Variants in ELAPOR2 observed in about 807,000 individuals in gnomAD.
ELAPOR2 encodes endosome-lysosome associated apoptosis and autophagy regulator family member 2.
In ELAPOR2, 89 loss-of-function variants were observed where a neutral mutation model predicts 120.7. That is an observed-to-expected ratio of 0.74 (90% CI 0.62 to 0.88). The LOEUF is 0.88. Ranked by LOEUF, ELAPOR2 falls within the 40% of genes least tolerant of loss-of-function variation. ELAPOR2 has a pLI of 0.00. For synonymous variants in ELAPOR2, 444 were observed against 444.9 expected, an observed-to-expected ratio of 1.00 and a Z score of 0.03; for missense variants, 1,134 against 1,251.6, an observed-to-expected ratio of 0.91 and a Z score of 1.42.
At chr7:86,893,583 G>A (rs1788291609) in intron 19 of ELAPOR2, among the ~76,000 whole-genome samples, 1 of 151,906 alleles carries the variant, frequency 6.6e-6, no homozygotes, top group Admixed American at 6.6e-5. Flanking sequence ...CCTCCGAATG[G>A]AAGAACAGAC....
chr7:86,917,427 AAAT>A (rs869159820), intron 12 of ELAPOR2, among the ~76,000 whole-genome samples: 3 of 152,252 alleles, frequency 2.0e-5, no homozygotes, highest in South Asian at 2.1e-4. Flanking sequence ...CAAAAAGAAA[AAAT>A]AATAATTTTG....
intron 8 of ELAPOR2, among the ~76,000 whole-genome samples, chr7:86,935,159 C>T (rs1022417554): frequency 6.6e-6 from 1 of 152,000 alleles, no homozygotes; most frequent in African/African-American, 2.4e-5. Flanking sequence ...AAAAAACTTG[C>T]AGTGATTTCT....
At chr7:87,057,820 G>C (rs1241964689) in intron 1 of ELAPOR2, among the ~76,000 whole-genome samples, 2 of 152,178 alleles carry the variant, frequency 1.3e-5, no homozygotes, top group Non-Finnish European at 2.9e-5. Context: ...TCATTACTAA[G>C]AATCGATGTT....
chr7:87,028,780 G>T (rs997661299), intron 1 of ELAPOR2, among the ~76,000 whole-genome samples: 1 of 151,982 alleles, frequency 6.6e-6, no homozygotes, highest in Non-Finnish European at 1.5e-5. Flanking sequence ...AGAATAAAAG[G>T]CAAAGTCTTT....
chr7:87,007,455 G>A (rs182382247), intron 1 of ELAPOR2, among the ~76,000 whole-genome samples: 2 of 152,238 alleles, frequency 1.3e-5, no homozygotes. Context: ...TTTTTAATAT[G>A]AACAGATATG....
intron 15 of ELAPOR2, among the ~76,000 whole-genome samples, chr7:86,910,968 A>G (rs899781294): frequency 1.3e-5 from 2 of 152,136 alleles, no homozygotes; most frequent in Non-Finnish European, 1.5e-5. Context: ...CCAATAAAAA[A>G]TAATGGAAAA....
At chr7:86,993,730 A>G (rs1230976827) in intron 1 of ELAPOR2, among the ~76,000 whole-genome samples, 1 of 152,200 alleles carries the variant, frequency 6.6e-6, no homozygotes, top group Non-Finnish European at 1.5e-5. Context: ...CAAATCCTCT[A>G]TAATCTAGTC....
At chr7:87,033,527 A>G (rs1794483845) in intron 1 of ELAPOR2, among the ~76,000 whole-genome samples, 1 of 152,256 alleles carries the variant, frequency 6.6e-6, no homozygotes, top group Admixed American at 6.5e-5. Flanking sequence ...AGATTGTGCT[A>G]GTGAGAAATA....
At chr7:87,034,593 AATT>A (rs2116744462) in intron 1 of ELAPOR2, among the ~76,000 whole-genome samples, 1 of 152,138 alleles carries the variant, frequency 6.6e-6, no homozygotes, top group African/African-American at 2.4e-5. Flanking sequence ...TTTAAGCATC[AATT>A]ATTATTTTGG....
intron 1 of ELAPOR2, among the ~76,000 whole-genome samples, chr7:87,008,771 G>C (rs1793564106): frequency 6.6e-6 from 1 of 152,192 alleles, no homozygotes; most frequent in African/African-American, 2.4e-5. Flanking sequence ...TTCAAACAAT[G>C]AGACAGAGAG....
intron 1 of ELAPOR2, among the ~76,000 whole-genome samples, chr7:86,986,867 C>G (rs1024549581): frequency 6.7e-6 from 1 of 149,686 alleles, no homozygotes; most frequent in African/African-American, 2.5e-5. Context: ...CATATGGAAC[C>G]AAAAAAGAGC....
Position 86,937,977 on chromosome 7 carries a change from G to A in ELAPOR2, c.1089+149C>T, listed in dbSNP as rs117443186. 9.1e-3 allele frequency: 5,226 copies of A among 575,712 alleles called. 35 individuals carry two copies. The highest frequency in any genetic ancestry group is 0.013 in the Non-Finnish European group (4,161 of 328,946). The allele number at this position is 575,712 out of a possible 1,614,324, so 35.7% of individuals were successfully genotyped here. On this transcript the variant is annotated intron_variant, in intron 8 of 21. Coordinates refer to ENST00000450689, the MANE Select transcript of ELAPOR2 (RefSeq NM_001142749.3). ...TATATGTGAAATTCAAAGCCAGGAA[G>A]GCAGACTTCAAACCCTAAACTCTAA...
intron 5 of ELAPOR2, among the ~76,000 whole-genome samples, chr7:86,940,903 C>A (rs10235954): frequency 3.3e-5 from 5 of 151,802 alleles, no homozygotes; most frequent in Non-Finnish European, 5.9e-5. Flanking sequence ...TTGTATTAAG[C>A]CTTTTTAAGT....
chr7:86,950,730 T>A (rs980394078), intron 2 of ELAPOR2, among the ~76,000 whole-genome samples: 1 of 152,096 alleles, frequency 6.6e-6, no homozygotes, highest in African/African-American at 2.4e-5. Context: ...CCCAGGCCAG[T>A]AGAGTGAGCC....
rs1429263487 is a variant in ELAPOR2 at position 86,908,480 on chromosome 7, G to C, written c.2423C>G (p.Thr808Arg). 2.5e-6 allele frequency: 4 copies of C among 1,587,844 alleles called. No homozygotes were observed. The highest frequency in any genetic ancestry group is 3.4e-6 in the Non-Finnish European group (4 of 1,165,436). ...NIKEDMFPVP[T>R]SQIPDVHFFY... ...GAAATGCACATCTGGTATTTGGCTT[G>C]TTGGAACTGGGAACATATCTTCTTT... Residue 808 changes from threonine to arginine, a missense_variant, in exon 17 of 22, where the codon ACA (threonine) becomes AGA (arginine). Coordinates refer to ENST00000450689, the MANE Select transcript of ELAPOR2 (RefSeq NM_001142749.3).
At chr7:86,927,925 G>T (rs1222615141) in intron 8 of ELAPOR2, among the ~76,000 whole-genome samples, 2 of 151,800 alleles carry the variant, frequency 1.3e-5, no homozygotes, top group Non-Finnish European at 2.9e-5. Flanking sequence ...ATTAAAGCTG[G>T]GGAATCAAAA....
chr7:86,996,319 T>C (rs1430282545), intron 1 of ELAPOR2, among the ~76,000 whole-genome samples: 10 of 151,758 alleles, frequency 6.6e-5, no homozygotes, highest in Admixed American at 6.6e-4. Context: ...GCTGTCAGCA[T>C]AGAGGAGAAA....
At chr7:87,040,176 C>T (rs938467654) in intron 1 of ELAPOR2, among the ~76,000 whole-genome samples, 1 of 152,196 alleles carries the variant, frequency 6.6e-6, no homozygotes, top group African/African-American at 2.4e-5. Context: ...AACTGCAAGG[C>T]GGCAGCGAGG....
At chr7:86,902,428 G>A (rs754561480) in intron 18 of ELAPOR2, among the ~76,000 whole-genome samples, 1 of 152,046 alleles carries the variant, frequency 6.6e-6, no homozygotes, top group African/African-American at 2.4e-5. Context: ...CGCCTGTCTC[G>A]GCCTCCCAGA....
Sources: gnomAD v4.1 joint callset for allele counts (sites outside exome capture counted in the v4.1 genomes callset) on GRCh38, gnomAD v4.1.1 for gene constraint, MANE v1.5 for transcripts, NCBI Gene and HGNC (gene_info 2026-07-23, HGNC 2026-07-21) for gene names.